NRXN3: variants seen among roughly 807,000 people sequenced by gnomAD.
The protein encoded by NRXN3 is neurexin III.
A neutral mutation model predicts 137.6 loss-of-function variants in NRXN3; 32 were observed. The observed-to-expected ratio is 0.23, with a 90% confidence interval of 0.18 to 0.31. The LOEUF (loss-of-function observed/expected upper bound fraction) is 0.31. Ranked by LOEUF, NRXN3 falls within the 10% of genes least tolerant of loss-of-function variation. The probability of loss-of-function intolerance (pLI) is 1.00; values close to 1 mark genes in which losing one functional copy is unlikely to be tolerated. For synonymous variants in NRXN3, 798 were observed against 784.5 expected, an observed-to-expected ratio of 1.02 and a Z score of -0.29; for missense variants, 1,574 against 2,062.5, an observed-to-expected ratio of 0.76 and a Z score of 4.59.
chr14:79,413,227 A>G (rs1300390425), intron 15 of NRXN3, among the ~76,000 whole-genome samples: 1 of 152,140 alleles, frequency 6.6e-6, no homozygotes. Context: ...GCACCTCCTT[A>G]GGAAGATCTG....
rs2097625936 is a variant in NRXN3 at position 78,641,253 on chromosome 14, AG to A, written c.758-3865del. 3.3e-5 allele frequency among the ~76,000 whole-genome samples: 5 copies of A among 152,202 alleles called. No individual in the cohort carries two copies. The South Asian group carries it at 1.0e-3, about 32-fold the overall frequency. ...GAGTGGTTGAGTCTCAGCTACTGGAAGGAAATTAAGATAGATTGGAGGTCTT... is the reference window on the plus strand; with the variant it reads ...GAGTGGTTGAGTCTCAGCTACTGGAAGAAATTAAGATAGATTGGAGGTCTT... On this transcript the variant is annotated intron_variant, in intron 4 of 20. Coordinates refer to ENST00000335750, the MANE Select transcript of NRXN3 (RefSeq NM_001330195.2).
At chr14:78,270,120 G>A (rs770202407) in intron 2 of NRXN3, among the ~76,000 whole-genome samples, 1 of 152,186 alleles carries the variant, frequency 6.6e-6, no homozygotes, top group Non-Finnish European at 1.5e-5. Context: ...GAGCTCATGT[G>A]TGCAAGAGCC....
intron 19 of NRXN3, among the ~76,000 whole-genome samples, chr14:79,716,158 G>A (rs1320890379): frequency 6.6e-6 from 1 of 152,186 alleles, no homozygotes; most frequent in Non-Finnish European, 1.5e-5. Flanking sequence ...TGCTCTCCCA[G>A]TCTGAACCCT....
chr14:79,819,640 A>G (rs1156843760), intron 20 of NRXN3, among the ~76,000 whole-genome samples: 1 of 151,622 alleles, frequency 6.6e-6, no homozygotes, highest in African/African-American at 2.4e-5. Flanking sequence ...GTGAGCCACC[A>G]CGCCCAGCTA....
intron 8 of NRXN3, among the ~76,000 whole-genome samples, chr14:78,766,164 G>C (rs1427642911): frequency 6.6e-6 from 1 of 152,044 alleles, no homozygotes; most frequent in Non-Finnish European, 1.5e-5. Flanking sequence ...AATCATGGAT[G>C]GTCCTTTGTA....
intron 15 of NRXN3, among the ~76,000 whole-genome samples, chr14:78,989,519 C>T (rs191235336): frequency 7.2e-5 from 11 of 152,154 alleles, no homozygotes; most frequent in African/African-American, 2.4e-4. Context: ...GTGAAGGATA[C>T]GATGTCTGGA....
chr14:78,246,161 G>T (rs1342940593), intron 2 of NRXN3, among the ~76,000 whole-genome samples: 1 of 152,102 alleles, frequency 6.6e-6, no homozygotes, highest in Non-Finnish European at 1.5e-5. Flanking sequence ...TTGCATTTTT[G>T]TGTTTAAAAA....
At chr14:79,791,764 T>C (rs1222773906) in intron 19 of NRXN3, among the ~76,000 whole-genome samples, 1 of 151,998 alleles carries the variant, frequency 6.6e-6, no homozygotes, top group Non-Finnish European at 1.5e-5. Flanking sequence ...TTATCAAGAA[T>C]AGAACAAGCA....
At chr14:78,599,159 C>T (rs2097182577) in intron 4 of NRXN3, among the ~76,000 whole-genome samples, 1 of 152,210 alleles carries the variant, frequency 6.6e-6, no homozygotes, top group African/African-American at 2.4e-5. Flanking sequence ...CAAGAATCCC[C>T]AATTTACTGG....
At chr14:78,759,860 G>C (rs573145547) in intron 8 of NRXN3, among the ~76,000 whole-genome samples, 1 of 152,192 alleles carries the variant, frequency 6.6e-6, no homozygotes, top group East Asian at 1.9e-4. Context: ...CTTACTTTCT[G>C]TCAGCTTTTG....
At chr14:79,398,959 A>C (rs1356445301) in intron 15 of NRXN3, among the ~76,000 whole-genome samples, 1 of 145,748 alleles carries the variant, frequency 6.9e-6, no homozygotes, top group Non-Finnish European at 1.5e-5. Flanking sequence ...CAGTGAGCCA[A>C]GATTGTGCCA....
chr14:78,631,943 T>TAA (rs552054739), intron 4 of NRXN3, among the ~76,000 whole-genome samples: 25 of 144,058 alleles, frequency 1.7e-4, no homozygotes, highest in Middle Eastern at 3.5e-3. Context: ...CCGTCTCTGC[T>TAA]AAAAAAAAAA....
At chr14:79,305,831 A>G (rs967619535) in intron 15 of NRXN3, among the ~76,000 whole-genome samples, 4 of 152,074 alleles carry the variant, frequency 2.6e-5, no homozygotes, top group Non-Finnish European at 5.9e-5. Flanking sequence ...GCAAACTTAC[A>G]TTGGAAGATC....
intron 14 of NRXN3, among the ~76,000 whole-genome samples, chr14:78,981,360 C>A (rs1214169426): frequency 2.0e-5 from 3 of 152,194 alleles, no homozygotes; most frequent in African/African-American, 7.2e-5. Flanking sequence ...CCCACTCTGG[C>A]TTACACACAT....
chr14:78,510,856 T>C (rs571212830), intron 4 of NRXN3, among the ~76,000 whole-genome samples: 3 of 152,228 alleles, frequency 2.0e-5, no homozygotes, highest in Admixed American at 6.5e-5. Context: ...TTTACCTTGA[T>C]AGTAACTTCC....
intron 16 of NRXN3, among the ~76,000 whole-genome samples, chr14:79,563,739 T>G (rs2097524284): frequency 6.6e-6 from 1 of 151,972 alleles, no homozygotes; most frequent in Non-Finnish European, 1.5e-5. Context: ...GGGTGCACTA[T>G]GGCAGTTGCA....
At chr14:79,359,593 CAG>C (rs1452273405) in intron 15 of NRXN3, among the ~76,000 whole-genome samples, 1 of 131,016 alleles carries the variant, frequency 7.6e-6, no homozygotes, top group Admixed American at 8.5e-5. Context: ...TTTTTGGAGA[CAG>C]AGTCTTGCTC....
intron 4 of NRXN3, among the ~76,000 whole-genome samples, chr14:78,465,090 CA>C (rs1443494242): frequency 4.6e-5 from 7 of 151,888 alleles, no homozygotes; most frequent in African/African-American, 1.7e-4. Flanking sequence ...AGCCTATGTG[CA>C]AAGTATGTGC....
intron 15 of NRXN3, among the ~76,000 whole-genome samples, chr14:79,257,164 C>A (rs1480496560): frequency 6.6e-6 from 1 of 151,912 alleles, no homozygotes; most frequent in Non-Finnish European, 1.5e-5. Context: ...TCTTTGAAGG[C>A]AGGGAGGGCG....
Sources: gnomAD v4.1 joint callset for allele counts (sites outside exome capture counted in the v4.1 genomes callset) on GRCh38, gnomAD v4.1.1 for gene constraint, MANE v1.5 for transcripts, NCBI Gene and HGNC (gene_info 2026-07-23, HGNC 2026-07-21) for gene names.